Variants in ARL6 observed in about 807,000 individuals in gnomAD.
The protein encoded by ARL6 is ARF like GTPase 6.
In ARL6, 18 loss-of-function variants were observed where a neutral mutation model predicts 27.1. The observed-to-expected ratio is 0.66, with a 90% confidence interval of 0.46 to 0.98. ARL6 has a LOEUF of 0.98. Among genes scored for constraint, ARL6 ranks in the 50% least tolerant of loss-of-function variants. The pLI, the probability that ARL6 is intolerant of heterozygous loss-of-function variation, is 0.00. For missense variants in ARL6, 187 were observed against 214.9 expected, an observed-to-expected ratio of 0.87 and a Z score of 0.81; for synonymous variants, 65 against 72.3, an observed-to-expected ratio of 0.90 and a Z score of 0.51.
chr3:97,786,867 A>G (rs1048592758), intron 5 of ARL6, among the ~76,000 whole-genome samples: 5 of 152,350 alleles, frequency 3.3e-5, no homozygotes, highest in Non-Finnish European at 7.4e-5. Context: ...TGGCCTTTCT[A>G]TTACCTATGA....
chr3:97,776,751 G>T (rs773987438), intron 2 of ARL6, among the ~76,000 whole-genome samples: 81 of 152,024 alleles, frequency 5.3e-4, no homozygotes, highest in Non-Finnish European at 3.1e-4. Flanking sequence ...CCATTTCCCG[G>T]GTTCAAGTGA....
chr3:97,766,418 A>G (rs564156276), intron 1 of ARL6, among the ~76,000 whole-genome samples: 1 of 152,344 alleles, frequency 6.6e-6, no homozygotes. Context: ...TGATACAAGG[A>G]GAAAAGCAGA....
intron 4 of ARL6, among the ~76,000 whole-genome samples, chr3:97,782,357 T>G (rs986442270): frequency 7.2e-5 from 11 of 151,972 alleles, no homozygotes; most frequent in Non-Finnish European, 1.5e-4. Flanking sequence ...TTTAACTCCT[T>G]TTTTCTTTGT....
chr3:97,766,524 T>G (rs937556687), intron 1 of ARL6: 1 of 152,238 alleles, frequency 6.6e-6, no homozygotes, highest in Non-Finnish European at 1.5e-5. Flanking sequence ...GGCATGGCAC[T>G]GTTCCATCTC....
At chr3:97,793,481 C>G (rs2037842965) in intron 7 of ARL6, 1 of 152,120 alleles carries the variant, frequency 6.6e-6, no homozygotes, top group Admixed American at 6.5e-5. Flanking sequence ...GATGGAAACC[C>G]TATTGTCACT....
rs1280405739 is a variant in ARL6, at chr3:97,764,981, T to G, written c.-28+4T>G. 1 of 152,050 alleles carries G rather than the reference T, an allele frequency of 6.6e-6. No homozygotes were observed. Among genetic ancestry groups the G allele is most frequent in the African/African-American group, 2.4e-5 (1 of 41,374 alleles). 9.4% of individuals were successfully genotyped at this position (152,050 alleles called of 1,614,324 possible). A position where few individuals can be genotyped will look rare whatever the true frequency, so the allele number is the denominator to read the frequency against. The stretch of plus-strand genomic sequence containing the variant: ...CCGGACTAACCTCAAAAACCAGGTA[T>G]CTCCTCAACGCCGGTTTTTAAAGCC... On this transcript the variant is annotated splice_donor_region_variant and intron_variant, in intron 1 of 7. Coordinates refer to ENST00000463745, the MANE Select transcript of ARL6 (RefSeq NM_001278293.3).
chr3:97,776,554 T>G (rs2036910958), intron 2 of ARL6, among the ~76,000 whole-genome samples: 1 of 152,190 alleles, frequency 6.6e-6, no homozygotes, highest in Admixed American at 6.5e-5. Flanking sequence ...CTAATCTTAG[T>G]ACTGGATATT....
At chr3:97,787,909 C>A in intron 5 of ARL6, 81 bp from the exon 6 acceptor site, 1 of 1,471,696 alleles carries the variant, frequency 6.8e-7, no homozygotes, top group Non-Finnish European at 9.4e-7. Flanking sequence ...AAAAAAATTT[C>A]ATGGGTTTCA....
In ARL6 at chr3:97,800,172, TTTTC is replaced by T. The variant is rs2038189826; in HGVS notation, c.*2127_*2130del. ...TATTTAGAAGAAGGAGAAGTACCCT[TTTTC>T]TTTGTTTTCATGATCTCCAAAATCT... is the stretch of plus-strand genomic sequence containing the variant. On this transcript the variant is annotated 3_prime_UTR_variant, in exon 8 of 8. Transcript: ENST00000463745. 1 of 152,024 alleles carries T rather than the reference TTTTC, an allele frequency of 6.6e-6. No individual in the cohort carries two copies. The highest frequency in any genetic ancestry group is 6.6e-5 in the Admixed American group (1 of 15,256). The allele number at this position is 152,024 out of a possible 1,614,324, so 9.4% of individuals were successfully genotyped here.
At position 97,769,214 on chromosome 3, in the gene ARL6, T is replaced by A. The variant is rs149200667; in HGVS notation, c.123+984T>A. Among the ~76,000 whole-genome samples the A allele has an allele frequency of 1.1e-3, 173 of 152,244 alleles. 2 individuals carry two copies. In the East Asian group the frequency reaches 0.027, roughly 24 times the overall value. On this transcript the variant is annotated intron_variant, in intron 2 of 7. Coordinates refer to ENST00000463745, the MANE Select transcript of ARL6 (RefSeq NM_001278293.3). ...CTAGTTTTTCATATTAAGCTATCTT[T>A]ATGTTTATTTATTGTTAATGTACTG...
Position 97,780,626 on chromosome 3 carries a change from C to T in ARL6, c.197C>T (p.Thr66Ile), listed in dbSNP as rs150667690. ...EKFKSSSLSFTVFDMSGQGRY... is the reference protein window; with the variant it reads ...EKFKSSSLSFIVFDMSGQGRY... ...GCTTCTTTTTGTAGTTTGTCATTTACAGTGTTTGACATGTCAGGTCAAGGA... is the reference window on the plus strand; with the variant it reads ...GCTTCTTTTTGTAGTTTGTCATTTATAGTGTTTGACATGTCAGGTCAAGGA... Residue 66 changes from threonine (T) to isoleucine (I), a missense_variant, in exon 4 of 8, where the codon ACA becomes ATA. Physicochemically the swap from Thr to Ile is moderately conservative, Grantham distance 89. Transcript: ENST00000463745. 2.5e-6 allele frequency: 4 copies of T among 1,612,676 alleles called. No homozygotes were observed. The African/African-American group carries it at 4.0e-5, about 16-fold the overall frequency.
intron 1 of ARL6, among the ~76,000 whole-genome samples, chr3:97,767,205 A>G (rs932707766): frequency 6.6e-6 from 1 of 152,164 alleles, no homozygotes; most frequent in Admixed American, 6.5e-5. Flanking sequence ...GGACAAGTTA[A>G]CAAAGAAATT....
At chr3:97,791,638 A>G (rs897233104) in intron 6 of ARL6, 133 bp from the exon 7 acceptor site, 8 of 672,892 alleles carry the variant, frequency 1.2e-5, no homozygotes, top group Admixed American at 5.8e-5. Context: ...TTCAATTTCA[A>G]TGCTTAACCA....
chr3:97,793,318 C>T (rs1455239996), intron 7 of ARL6: 1 of 152,206 alleles, frequency 6.6e-6, no homozygotes, highest in African/African-American at 2.4e-5. Flanking sequence ...GTTTCTTAGA[C>T]TGCAGTAAAG....
At chr3:97,786,351 A>C (rs2037458974) in intron 5 of ARL6, among the ~76,000 whole-genome samples, 1 of 151,986 alleles carries the variant, frequency 6.6e-6, no homozygotes, top group Admixed American at 6.6e-5. Flanking sequence ...AAAACAAAAA[A>C]CTTAGCAGTC....
Position 97,800,803 on chromosome 3 carries a change from G to C in ARL6, c.*2754G>C, listed in dbSNP as rs2038224393. ...AAGTCTGAGATCAGATTACCAGCAT[G>C]GTTGGGTTCTGGTGAGAGCCGTCTT... On this transcript the variant is annotated 3_prime_UTR_variant, in exon 8 of 8. Transcript: ENST00000463745. 6.6e-6 allele frequency: 1 copy of C among 152,134 alleles called. No individual in the cohort carries two copies. The highest frequency in any genetic ancestry group is 1.5e-5 in the Non-Finnish European group (1 of 68,020). The allele number at this position is 152,134 out of a possible 1,614,324, so 9.4% of individuals were successfully genotyped here.
chr3:97,795,457 G>A (rs1169922733), intron 7 of ARL6, among the ~76,000 whole-genome samples: 2 of 152,144 alleles, frequency 1.3e-5, no homozygotes, highest in African/African-American at 2.4e-5. Flanking sequence ...GATTGATCAA[G>A]TATGCTTAGT....
intron 5 of ARL6, among the ~76,000 whole-genome samples, chr3:97,787,574 AG>A (rs1272295569): frequency 6.6e-6 from 1 of 152,188 alleles, no homozygotes; most frequent in African/African-American, 2.4e-5. Flanking sequence ...TTAAAAATCT[AG>A]CTTGTTACTT....
intron 1 of ARL6, chr3:97,766,204 A>G (rs1302974129): frequency 1.3e-5 from 2 of 152,236 alleles, no homozygotes; most frequent in Non-Finnish European, 2.9e-5. Context: ...TAAGTTCTAA[A>G]TTATGAAATG....
Sources: gnomAD v4.1 joint callset for allele counts (sites outside exome capture counted in the v4.1 genomes callset) on GRCh38, gnomAD v4.1.1 for gene constraint, MANE v1.5 for transcripts, NCBI Gene and HGNC (gene_info 2026-07-23, HGNC 2026-07-21) for gene names.